Variants in NGEF observed in about 807,000 individuals in gnomAD.
NGEF encodes the protein neuronal guanine nucleotide exchange factor, also known as ephexin-1.
A neutral mutation model predicts 80.9 loss-of-function variants in NGEF; 31 were observed. The ratio of observed to expected loss-of-function variants is 0.38; its 90% CI spans 0.29 to 0.52. NGEF has a LOEUF of 0.52. Among genes scored for constraint, NGEF ranks in the 20% least tolerant of loss-of-function variants. The pLI is 0.84. For missense variants in NGEF, 709 were observed against 926.2 expected, an observed-to-expected ratio of 0.77 and a Z score of 3.04; for synonymous variants, 371 against 370.2, an observed-to-expected ratio of 1.00 and a Z score of -0.03.
chr2:232,955,380 A>G (rs1272941557), intron 3 of NGEF, among the ~76,000 whole-genome samples: 1 of 152,152 alleles, frequency 6.6e-6, no homozygotes, highest in East Asian at 1.9e-4. Context: ...CTCAGACTCC[A>G]TTCAGCTTTT....
chr2:232,966,061 TG>T (rs1694053094), intron 3 of NGEF, among the ~76,000 whole-genome samples: 2 of 152,196 alleles, frequency 1.3e-5, no homozygotes, highest in South Asian at 4.1e-4. Context: ...TCTCTTTCGC[TG>T]GGTATTAAAG....
At chr2:232,958,522 A>C (rs1040207772) in intron 3 of NGEF, among the ~76,000 whole-genome samples, 1 of 152,132 alleles carries the variant, frequency 6.6e-6, no homozygotes, top group Non-Finnish European at 1.5e-5. Flanking sequence ...GGTGTGTTGC[A>C]CTGTGCCAAT....
At chr2:232,977,705 C>G (rs775258825) in intron 1 of NGEF, among the ~76,000 whole-genome samples, 2 of 152,088 alleles carry the variant, frequency 1.3e-5, no homozygotes, top group Non-Finnish European at 2.9e-5. Context: ...ACTGCTGGAC[C>G]GAGGAGCTCA....
In NGEF at chr2:232,970,275, A is replaced by G. The variant is rs750775762; in HGVS notation, c.322T>C (p.Trp108Arg). The G allele has an allele frequency of 1.2e-6, 2 of 1,606,314 alleles. No individual in the cohort carries two copies. Among genetic ancestry groups the G allele is most frequent in the Non-Finnish European group, 1.7e-6 (2 of 1,177,680 alleles). Reference sequence around the variant, plus strand: ...GTTCTGCAAGGAGGCATTCTGCTCCAGGGGATATTCAAGGTCAGGGGCTCA... The same window carrying G: ...GTTCTGCAAGGAGGCATTCTGCTCCGGGGGATATTCAAGGTCAGGGGCTCA... ...VNEPLTLNIP[W>R]SRMPPCRTAM... is the part of the protein sequence containing the mutation. The change falls in exon 3 of 15, where the codon TGG becomes CGG. Residue 108 changes from tryptophan (W) to arginine (R), a missense_variant. By Grantham distance (101) the Trp-to-Arg change is moderately radical. This residue lies in a region of NGEF where 283 missense variants were observed against 303.4 expected (regional missense o/e 0.93). Transcript: ENST00000264051.
chr2:232,893,064 C>T lies in NGEF; in HGVS notation c.990-14G>A, dbSNP rs765280370. 1.2e-5 allele frequency: 20 copies of T among 1,605,938 alleles called. No individual in the cohort carries two copies. Among genetic ancestry groups the T allele is most frequent in the East Asian group, 4.5e-5 (2 of 44,722 alleles). The stretch of plus-strand genomic sequence containing the variant: ...TCCAGGAGGAACCTACGAGAGGCAG[C>T]GGCTTGAGGCGGAGGGTGCCCGGGG... On this transcript the variant is annotated splice_polypyrimidine_tract_variant and intron_variant, in intron 6 of 14. Coordinates refer to ENST00000264051, the MANE Select transcript of NGEF (RefSeq NM_019850.3).
At chr2:232,937,483 C>T (rs1693351424) in intron 3 of NGEF, among the ~76,000 whole-genome samples, 1 of 152,204 alleles carries the variant, frequency 6.6e-6, no homozygotes, top group Non-Finnish European at 1.5e-5. Flanking sequence ...AGGCTGGGGC[C>T]GCCCAGATGA....
rs1214992480 is a variant in NGEF at position 232,906,174 on chromosome 2, G to C, written c.829-11258C>G. 2.1e-3 allele frequency among the ~76,000 whole-genome samples: 52 copies of C among 24,806 alleles called. 5 individuals are homozygous for C. The highest frequency in any genetic ancestry group is 4.2e-4 in the Admixed American group (1 of 2,356). 16.3% of individuals were successfully genotyped at this position (24,806 alleles called of 152,430 possible). A position where few individuals can be genotyped will look rare whatever the true frequency, so the allele number is the denominator to read the frequency against. Reference sequence around the variant, plus strand: ...CCCCGTCCGGGAGGGAGGTGGGGGGGTCAGCCCCCCGCCTGGCCAGCCGCC... The same window carrying C: ...CCCCGTCCGGGAGGGAGGTGGGGGGCTCAGCCCCCCGCCTGGCCAGCCGCC... On this transcript the variant is annotated intron_variant, in intron 5 of 14. Transcript: ENST00000264051.
At chr2:233,012,933 T>C in intron 1 of NGEF, 135 bp downstream of exon 1, 1 of 470,036 alleles carries the variant, frequency 2.1e-6, no homozygotes, top group Non-Finnish European at 4.4e-6. Context: ...GGGCTGCTGT[T>C]TCTCTTGGGG....
At chr2:232,909,226 C>A (rs886581747) in intron 5 of NGEF, among the ~76,000 whole-genome samples, 17 of 152,020 alleles carry the variant, frequency 1.1e-4, no homozygotes, top group African/African-American at 3.9e-4. Context: ...AAAAAGTATC[C>A]CTTTGAGTTT....
At chr2:232,977,350 G>A (rs1694316399) in intron 1 of NGEF, among the ~76,000 whole-genome samples, 6 of 152,154 alleles carry the variant, frequency 3.9e-5, no homozygotes, top group Admixed American at 3.9e-4. Context: ...GACAATGATG[G>A]CCTTGAGCTC....
At chr2:232,933,507 C>T (rs1693262397) in intron 3 of NGEF, among the ~76,000 whole-genome samples, 1 of 152,232 alleles carries the variant, frequency 6.6e-6, no homozygotes, top group African/African-American at 2.4e-5. Context: ...CCACCCTTCT[C>T]TCTGCCCCTC....
intron 3 of NGEF, among the ~76,000 whole-genome samples, chr2:232,942,855 C>G (rs954980167): frequency 3.7e-5 from 5 of 135,488 alleles, no homozygotes; most frequent in Admixed American, 3.0e-4. Flanking sequence ...TCAAGTAGTA[C>G]CATTATTTTC....
At chr2:232,920,663 C>G (rs1053492127) in intron 4 of NGEF, 78 bp from the exon 5 acceptor site, 4 of 1,402,316 alleles carry the variant, frequency 2.9e-6, no homozygotes, top group Non-Finnish European at 2.9e-6. Context: ...GTCAAGGCTT[C>G]GTGTTCTTAT....
chr2:232,881,205 G>T lies in NGEF; in HGVS notation c.1883C>A (p.Pro628Gln). Residue 628 changes from proline (P) to glutamine (Q), a missense_variant, in exon 14 of 15, where the codon CCA becomes CAA. By Grantham distance (76) the Pro-to-Gln change is moderately conservative. This residue lies in a region of NGEF where 426 missense variants were observed against 622.9 expected (regional missense o/e 0.68). Coordinates refer to ENST00000264051, the MANE Select transcript of NGEF (RefSeq NM_019850.3). ...QCVHPYVAQQ[P>Q]DELTLELADI... ...GGCGAGCTCCAGCGTCAGCTCGTCT[G>T]GCTGCTGAGCCACGTATGGGTGCAC... 1 of 1,611,266 alleles carries T rather than the reference G, an allele frequency of 6.2e-7. No homozygotes were observed.
chr2:232,960,642 G>C (rs964036364), intron 3 of NGEF, among the ~76,000 whole-genome samples: 2 of 152,226 alleles, frequency 1.3e-5, no homozygotes, highest in Non-Finnish European at 2.9e-5. Flanking sequence ...ACTTTGGGAG[G>C]CTGAGGCGGG....
At chr2:232,993,206 ATTTGCCCGTATAGATACACAC>A (rs1694706824) in intron 1 of NGEF, among the ~76,000 whole-genome samples, 2 of 111,936 alleles carry the variant, frequency 1.8e-5, no homozygotes, top group African/African-American at 5.3e-5. Context: ...TTATATATAT[ATTTGCCCGTATAGATACACAC>A]ATATATATGT....
At chr2:232,923,072 G>GA (rs376024670) in intron 4 of NGEF, among the ~76,000 whole-genome samples, 35,535 of 149,318 alleles carry the variant, frequency 0.24, 4,414 homozygotes, top group Non-Finnish European at 0.28. Flanking sequence ...CTCCATCTCA[G>GA]AAAAAAAAAC....
At chr2:232,971,091 A>G (rs904707038) in intron 2 of NGEF, among the ~76,000 whole-genome samples, 2 of 152,138 alleles carry the variant, frequency 1.3e-5, no homozygotes, top group African/African-American at 4.8e-5. Flanking sequence ...TGGGATTTTT[A>G]GGCAATGATC....
chr2:232,905,828 G>C, intron 5 of NGEF: 1 of 290,990 alleles, frequency 3.4e-6, no homozygotes, highest in South Asian at 2.4e-5. Flanking sequence ...CCTCCGCCCG[G>C]CTGCCACCCC....
Sources: allele counts gnomAD v4.1 joint callset (sites outside exome capture counted in the v4.1 genomes callset), GRCh38; gene constraint gnomAD v4.1.1; regional missense constraint gnomAD v4.1.1; transcripts MANE v1.5; gene names NCBI Gene and HGNC (gene_info 2026-07-23, HGNC 2026-07-21).